DCX: variants seen among roughly 807,000 people sequenced by gnomAD.
DCX encodes neuronal migration protein doublecortin.
Under a neutral mutation model 20.9 loss-of-function variants are expected in DCX, and 4 were observed. That is an observed-to-expected ratio of 0.19 (90% CI 0.09 to 0.44). DCX has a LOEUF of 0.44. Ranked by LOEUF, DCX falls within the 20% of genes least tolerant of loss-of-function variation. The pLI, the probability that DCX is intolerant of heterozygous loss-of-function variation, is 0.99. For synonymous variants in DCX, 103 were observed against 111.4 expected (o/e 0.92, Z 0.47); for missense variants, 133 against 296.9 (o/e 0.45, Z 4.06).
intron 3 of DCX, among the ~76,000 whole-genome samples, chrX:111,396,560 G>A (rs1044164702): frequency 1.8e-5 from 2 of 111,973 alleles, no homozygotes; most frequent in African/African-American, 6.5e-5. Context: ...TAATTTTAAG[G>A]CCAGAACATG....
chrX:111,365,291 A>T (rs1349819379), intron 3 of DCX, among the ~76,000 whole-genome samples: 7 of 109,614 alleles, frequency 6.4e-5, no homozygotes, highest in Non-Finnish European at 1.1e-4. Flanking sequence ...ATTAAAAATT[A>T]ATTTAAAATT....
At chrX:111,389,861 A>G (rs1234674970) in intron 3 of DCX, among the ~76,000 whole-genome samples, 1 of 111,808 alleles carries the variant, frequency 8.9e-6, no homozygotes, top group Non-Finnish European at 1.9e-5. Flanking sequence ...AATTCTAAGA[A>G]TGACCCTTCA....
chrX:111,382,884 G>A (rs16986486), intron 3 of DCX, among the ~76,000 whole-genome samples: 8,842 of 110,486 alleles, frequency 0.08, 603 homozygotes, highest in African/African-American at 0.22. Context: ...TCAACAAATG[G>A]TCTCTGAGAC....
At position 111,336,167 on chromosome X, in the gene DCX, C is replaced by A. The variant is rs1569489649; in HGVS notation, c.706-3014G>T. Among the ~76,000 whole-genome samples the A allele has an allele frequency of 4.5e-5, 5 of 112,069 alleles. No homozygotes were observed. The South Asian group carries it at 1.1e-3, about 25-fold the overall frequency. Reference sequence around the variant, plus strand: ...AAAGCTCCAAAGCAGCCATCTCAGACACATGCCATGATATCCTATTGTAGG... The same window carrying A: ...AAAGCTCCAAAGCAGCCATCTCAGAAACATGCCATGATATCCTATTGTAGG... On this transcript the variant is annotated intron_variant, in intron 3 of 6. Transcript: ENST00000636035.
chrX:111,370,650 C>T (rs1404007031), intron 3 of DCX, among the ~76,000 whole-genome samples: 1 of 110,751 alleles, frequency 9.0e-6, no homozygotes, highest in Non-Finnish European at 1.9e-5. Context: ...TCGGAACTGG[C>T]TTTGAGAACC....
At chrX:111,366,380 C>T (rs748054712) in intron 3 of DCX, among the ~76,000 whole-genome samples, 19 of 111,841 alleles carry the variant, frequency 1.7e-4, no homozygotes, top group Non-Finnish European at 3.4e-4. Flanking sequence ...CCCATTAACA[C>T]GGTAAAAAGT....
rs144125925 is a variant in DCX at position 111,311,341 on chromosome X, G to A, written c.1044+1298C>T. ...ATGGAACAGACATTAGAAATTATGGGGCAGGCAGTAGCCAGATTAGCCAGG... is the reference window on the plus strand; with the variant it reads ...ATGGAACAGACATTAGAAATTATGGAGCAGGCAGTAGCCAGATTAGCCAGG... On this transcript the variant is annotated intron_variant, in intron 6 of 6. Transcript: ENST00000636035. Among the ~76,000 whole-genome samples, 333 of 111,837 alleles carry A rather than the reference G, an allele frequency of 3.0e-3. No individual in the cohort carries two copies. In the Middle Eastern group the frequency reaches 0.037, roughly 12 times the overall value.
chrX:111,391,413 C>T (rs1038843962), intron 3 of DCX, among the ~76,000 whole-genome samples: 10 of 111,407 alleles, frequency 9.0e-5, no homozygotes, highest in African/African-American at 3.3e-4. Flanking sequence ...TCAGATAGTT[C>T]TTTATAGCAG....
intron 5 of DCX, among the ~76,000 whole-genome samples, chrX:111,314,182 T>C (rs1381921366): frequency 8.9e-6 from 1 of 111,758 alleles, no homozygotes; most frequent in Non-Finnish European, 1.9e-5. Context: ...CACTTAAGCA[T>C]TCACTGTCTG....
intron 5 of DCX, among the ~76,000 whole-genome samples, chrX:111,327,535 A>G (rs1051206184): frequency 2.7e-5 from 3 of 112,481 alleles, no homozygotes; most frequent in Non-Finnish European, 5.6e-5. Flanking sequence ...AACTCTGTAA[A>G]TTGTAAATAA....
chrX:111,347,089 C>CA (rs1272044005), intron 3 of DCX, among the ~76,000 whole-genome samples: 12 of 110,704 alleles, frequency 1.1e-4, no homozygotes, highest in Non-Finnish European at 2.3e-4. Context: ...AGTTAAAGTA[C>CA]AAAAAAACAC....
chrX:111,318,279 C>T (rs1769845328), intron 5 of DCX, among the ~76,000 whole-genome samples: 1 of 105,078 alleles, frequency 9.5e-6, no homozygotes, highest in Non-Finnish European at 1.9e-5. Context: ...GTGTAAATTA[C>T]TTCAACCATT....
At chrX:111,398,860 C>T (rs1005895849) in intron 3 of DCX, among the ~76,000 whole-genome samples, 18 of 111,908 alleles carry the variant, frequency 1.6e-4, no homozygotes, top group Non-Finnish European at 3.2e-4. Flanking sequence ...TGCCTATAAT[C>T]CTAGCACTTT....
chrX:111,345,459 C>T (rs537924452), intron 3 of DCX, among the ~76,000 whole-genome samples: 4 of 111,702 alleles, frequency 3.6e-5, no homozygotes, highest in African/African-American at 1.3e-4. Flanking sequence ...AACAGGCAAC[C>T]TACAGAATGG....
intron 3 of DCX, among the ~76,000 whole-genome samples, chrX:111,354,055 A>C (rs2147678059): frequency 8.9e-6 from 1 of 111,760 alleles, no homozygotes; most frequent in South Asian, 3.8e-4. Context: ...AGTCCAATAT[A>C]TTGGCAATGA....
rs181071816 is a variant in DCX at position 111,318,742 on chromosome X, G to A, written c.947-6006C>T. ...TCCCACTTATAAGTGGGAGCTAAATGATGAGAACACATGGACACAAAGAGG... is the reference window on the plus strand; with the variant it reads ...TCCCACTTATAAGTGGGAGCTAAATAATGAGAACACATGGACACAAAGAGG... On this transcript the variant is annotated intron_variant, in intron 5 of 6. Transcript: ENST00000636035. Among the ~76,000 whole-genome samples the A allele has an allele frequency of 7.8e-3, 868 of 111,091 alleles. 2 individuals carry two copies. Among genetic ancestry groups the A allele is most frequent in the Non-Finnish European group, 1.0e-2 (529 of 53,017 alleles).
rs2095015910 is a variant in DCX at position 111,294,615 on chromosome X, G to A, written c.*7072C>T. On this transcript the variant is annotated 3_prime_UTR_variant, in exon 7 of 7. Transcript: ENST00000636035. ...CCACATTTTGGTTTGTTTGTTGTTT[G>A]CTGACTTTACTTGGCAAGAGTTATT... is the stretch of plus-strand genomic sequence containing the variant. 8.9e-6 allele frequency: 1 copy of A among 112,013 alleles called. No individual in the cohort carries two copies. Among genetic ancestry groups the A allele is most frequent in the African/African-American group, 3.3e-5 (1 of 30,704 alleles). 9.2% of individuals were successfully genotyped at this position (112,013 alleles called of 1,213,427 possible). A position where few individuals can be genotyped will look rare whatever the true frequency, so the allele number is the denominator to read the frequency against.
At chrX:111,330,215 T>C (rs1185220809) in intron 5 of DCX, among the ~76,000 whole-genome samples, 2 of 112,238 alleles carry the variant, frequency 1.8e-5, no homozygotes, top group Non-Finnish European at 1.9e-5. Context: ...TTTATTTACA[T>C]TTGGCACAAG....
chrX:111,299,105 A>T lies in DCX; in HGVS notation c.*2582T>A, dbSNP rs965887816. 1 of 111,004 alleles carries T rather than the reference A, an allele frequency of 9.0e-6. No homozygotes were observed. Among genetic ancestry groups the T allele is most frequent in the East Asian group, 2.8e-4 (1 of 3,544 alleles). The allele number at this position is 111,004 out of a possible 1,213,427, so 9.1% of individuals were successfully genotyped here. A position where few individuals can be genotyped will look rare whatever the true frequency, so the allele number is the denominator to read the frequency against. ...GATTGGGTAAAATTGGAAGTGAATG[A>T]CAGGGGTGGAGGAGCTCAGTTACAG... On this transcript the variant is annotated 3_prime_UTR_variant, in exon 7 of 7. Transcript: ENST00000636035.
Sources: gnomAD v4.1 joint callset for allele counts (sites outside exome capture counted in the v4.1 genomes callset) on GRCh38, gnomAD v4.1.1 for gene constraint, MANE v1.5 for transcripts, NCBI Gene and HGNC (gene_info 2026-07-23, HGNC 2026-07-21) for gene names.